The following RAD51B variants were observed in gnomAD, a reference collection of about 807,000 sequenced individuals.
RAD51B encodes DNA repair protein RAD51 homolog 2.
A neutral mutation model predicts 42.2 loss-of-function variants in RAD51B; 38 were observed. That is an observed-to-expected ratio of 0.90 (90% CI 0.70 to 1.18). RAD51B has a LOEUF of 1.18. RAD51B is among the 50% of genes most tolerant of loss of function. The pLI is 0.00. For missense variants in RAD51B, 373 were observed against 400.7 expected, an observed-to-expected ratio of 0.93 and a Z score of 0.59; for synonymous variants, 154 against 145.2, an observed-to-expected ratio of 1.06 and a Z score of -0.43.
intron 8 of RAD51B, among the ~76,000 whole-genome samples, chr14:68,299,088 A>G (rs2081668532): frequency 6.6e-6 from 1 of 151,670 alleles, no homozygotes; most frequent in South Asian, 2.1e-4. Flanking sequence ...TTCCCCAGAT[A>G]GAGGAGGGCT....
chr14:68,105,897 AT>A, intron 7 of RAD51B, among the ~76,000 whole-genome samples: 1 of 152,008 alleles, frequency 6.6e-6, no homozygotes, highest in Middle Eastern at 3.4e-3. Flanking sequence ...TCTTCCTTTG[AT>A]TTGCAACTAT....
intron 7 of RAD51B, among the ~76,000 whole-genome samples, chr14:68,014,284 T>A (rs1428874887): frequency 6.6e-6 from 1 of 152,052 alleles, no homozygotes; most frequent in Non-Finnish European, 1.5e-5. Context: ...CCTGTTTTTT[T>A]ACATTTGTTG....
At chr14:68,624,827 G>A (rs1292736522) in intron 10 of RAD51B, among the ~76,000 whole-genome samples, 1 of 152,152 alleles carries the variant, frequency 6.6e-6, no homozygotes, top group African/African-American at 2.4e-5. Context: ...CTAAGCAAAA[G>A]TTACTTGGAC....
At chr14:67,930,768 T>A (rs765561921) in intron 7 of RAD51B, among the ~76,000 whole-genome samples, 2 of 152,128 alleles carry the variant, frequency 1.3e-5, no homozygotes, top group African/African-American at 2.4e-5. Context: ...ATTAAATAGG[T>A]TTTTGAGCAT....
At chr14:68,598,291 C>T (rs755264826), downstream of RAD51B, among the ~76,000 whole-genome samples, 1 of 152,066 alleles carries the variant, frequency 6.6e-6, no homozygotes, top group Non-Finnish European at 1.5e-5. Context: ...CTACTAGACA[C>T]CTTGTGTGTC....
At chr14:68,308,079 G>A (rs1265797940) in intron 8 of RAD51B, among the ~76,000 whole-genome samples, 4 of 152,164 alleles carry the variant, frequency 2.6e-5, no homozygotes, top group African/African-American at 4.8e-5. Context: ...CCTTTGATTG[G>A]AGGTTCTCGA....
At chr14:67,969,183 T>G (rs1012344846) in intron 7 of RAD51B, among the ~76,000 whole-genome samples, 1 of 152,122 alleles carries the variant, frequency 6.6e-6, no homozygotes, top group African/African-American at 2.4e-5. Flanking sequence ...GGAGTACAAT[T>G]CAAGATGAGA....
intron 7 of RAD51B, among the ~76,000 whole-genome samples, chr14:67,905,020 C>T (rs2043738560): frequency 6.8e-6 from 1 of 146,430 alleles, no homozygotes. Flanking sequence ...CCTAGGTTTT[C>T]TTCTATGGTT....
chr14:67,976,721 T>C (rs1021325467), intron 7 of RAD51B, among the ~76,000 whole-genome samples: 2 of 152,088 alleles, frequency 1.3e-5, no homozygotes, highest in Non-Finnish European at 2.9e-5. Flanking sequence ...AAATGGGATC[T>C]AATTAAACTA....
chr14:68,283,532 T>G (rs548315417), intron 7 of RAD51B, among the ~76,000 whole-genome samples: 2 of 152,254 alleles, frequency 1.3e-5, no homozygotes, highest in African/African-American at 4.8e-5. Flanking sequence ...TGGAAGCCAC[T>G]GTGGCTGCAT....
downstream of RAD51B, among the ~76,000 whole-genome samples, chr14:68,615,625 G>A (rs925812786): frequency 3.9e-5 from 6 of 152,172 alleles, no homozygotes; most frequent in African/African-American, 7.2e-5. Context: ...GATTACAGGC[G>A]TGAGCCACTG....
At chr14:68,558,643 G>C (rs1168289010) in intron 10 of RAD51B, among the ~76,000 whole-genome samples, 1 of 152,150 alleles carries the variant, frequency 6.6e-6, no homozygotes, top group Non-Finnish European at 1.5e-5. Context: ...GTCTTCACAT[G>C]GTGGTCTCCT....
chr14:68,421,591 G>A lies in RAD51B; in HGVS notation c.957+10064G>A, dbSNP rs2084700889. On this transcript the variant is annotated intron_variant, in intron 9 of 10. Coordinates refer to ENST00000471583, the MANE Select transcript of RAD51B (RefSeq NM_133510.4). ...AACATGGAACCCAAAGGGAACTGCA[G>A]CGAGAGCACAAAGATTCTAGGATAC... The A allele has an allele frequency of 3.5e-6, 3 of 849,656 alleles. No individual in the cohort carries two copies. The South Asian group carries it at 4.7e-5, about 13-fold the overall frequency. The allele number at this position is 849,656 out of a possible 1,614,324, so 52.6% of individuals were successfully genotyped here.
chr14:68,360,772 A>G (rs2083008214), intron 8 of RAD51B, among the ~76,000 whole-genome samples: 1 of 152,248 alleles, frequency 6.6e-6, no homozygotes, highest in South Asian at 2.1e-4. Flanking sequence ...AGTCTTCAGA[A>G]ATGTAGACCC....
At chr14:68,601,123 C>G (rs1050363314) in intron 10 of RAD51B, among the ~76,000 whole-genome samples, 3 of 152,154 alleles carry the variant, frequency 2.0e-5, no homozygotes, top group Admixed American at 6.6e-5. Flanking sequence ...AAGACCTGAT[C>G]CCCAAGCCCC....
intron 7 of RAD51B, among the ~76,000 whole-genome samples, chr14:68,149,344 C>T (rs1488191852): frequency 6.6e-6 from 1 of 152,046 alleles, no homozygotes; most frequent in Non-Finnish European, 1.5e-5. Flanking sequence ...TGTATATTTA[C>T]TTCTATGATC....
intron 8 of RAD51B, among the ~76,000 whole-genome samples, chr14:68,391,234 C>T (rs968884052): frequency 1.0e-4 from 15 of 146,834 alleles, no homozygotes; most frequent in African/African-American, 3.6e-4. Flanking sequence ...CACATTGTTT[C>T]TGATGACCCT....
At chr14:68,088,391 C>G (rs2077033993) in intron 7 of RAD51B, among the ~76,000 whole-genome samples, 1 of 151,934 alleles carries the variant, frequency 6.6e-6, no homozygotes, top group South Asian at 2.1e-4. Flanking sequence ...GAATGTGTCT[C>G]AGGTTTTTGT....
chr14:68,190,664 C>G (rs1262566395), intron 7 of RAD51B, among the ~76,000 whole-genome samples: 1 of 152,064 alleles, frequency 6.6e-6, no homozygotes. Context: ...ATTCTATGTA[C>G]TCTATATTCT....
Sources: allele counts gnomAD v4.1 joint callset (sites outside exome capture counted in the v4.1 genomes callset), GRCh38; gene constraint gnomAD v4.1.1; transcripts MANE v1.5; gene names NCBI Gene and HGNC (gene_info 2026-07-23, HGNC 2026-07-21).